The following GABPA variants were observed in gnomAD, a reference collection of about 807,000 sequenced individuals.
The protein encoded by GABPA is GA-binding protein alpha chain.
GABPA carries 4 observed loss-of-function variants against 59.4 expected under a neutral mutation model. The observed-to-expected ratio is 0.07, with a 90% CI of 0.03 to 0.15. The LOEUF is 0.15. GABPA is among the 10% of genes least tolerant of loss of function. The pLI is 1.00. For missense variants in GABPA, 251 were observed against 543.8 expected (o/e 0.46, Z 5.36); for synonymous variants, 164 against 183.1 (o/e 0.90, Z 0.84).
chr21:25,764,453 GC>G, intron 8 of GABPA, 103 bp downstream of exon 8: 1 of 1,412,384 alleles, frequency 7.1e-7, no homozygotes, highest in Non-Finnish European at 9.6e-7. Flanking sequence ...TATCCCTCTG[GC>G]AGTTTTTAGA....
At chr21:25,741,820 A>G (rs2035229323) in intron 2 of GABPA, 145 bp downstream of exon 2, 1 of 547,058 alleles carries the variant, frequency 1.8e-6, no homozygotes, top group African/African-American at 2.0e-5. Flanking sequence ...ATTTCCTCTG[A>G]CTTAATGTGG....
In GABPA at chr21:25,735,141, C is replaced by T; in HGVS notation, c.-464C>T. ...TCGCCTAATTTGACCCGTTCTTTTT[C>T]CCCTCCTTGAAACCTTGCTCTGTAC... On this transcript the variant is annotated 5_prime_UTR_variant, in exon 1 of 10. Coordinates refer to ENST00000400075, the MANE Select transcript of GABPA (RefSeq NM_002040.4). 4.5e-6 allele frequency: 3 copies of T among 670,100 alleles called. No homozygotes were observed. The South Asian group carries it at 5.1e-5, about 11-fold the overall frequency. 41.5% of individuals were successfully genotyped at this position (670,100 alleles called of 1,614,324 possible).
intron 2 of GABPA, among the ~76,000 whole-genome samples, chr21:25,742,387 A>C (rs71649671): frequency 2.3e-4 from 35 of 152,270 alleles, no homozygotes; most frequent in Admixed American, 4.6e-4. Flanking sequence ...ATCTCTGTGG[A>C]GTAACAAAGG....
Position 25,769,244 on chromosome 21 carries a change from T to C in GABPA, c.*12T>C, listed in dbSNP as rs777367312. 3.2e-6 allele frequency: 5 copies of C among 1,538,560 alleles called. No individual in the cohort carries two copies. Among genetic ancestry groups the C allele is most frequent in the Non-Finnish European group, 4.5e-6 (5 of 1,111,932 alleles). On this transcript the variant is annotated 3_prime_UTR_variant, in exon 10 of 10. Transcript: ENST00000400075. ...AAAAGGATAATTGAGCCCCAGGACATTCTGAGACTCCAAAGTCTTTCTTAA... is the reference window on the plus strand; with the variant it reads ...AAAAGGATAATTGAGCCCCAGGACACTCTGAGACTCCAAAGTCTTTCTTAA...
chr21:25,740,066 C>T (rs1231450649), intron 1 of GABPA, among the ~76,000 whole-genome samples: 2 of 152,056 alleles, frequency 1.3e-5, no homozygotes, highest in African/African-American at 4.8e-5. Context: ...TACTGATATA[C>T]GCAATACAGA....
chr21:25,768,886 A>T, intron 9 of GABPA, 118 bp from the exon 10 acceptor site: 1 of 649,012 alleles, frequency 1.5e-6, no homozygotes. Context: ...TTCAATATTA[A>T]TTGCTATTGT....
chr21:25,760,330 T>G (rs1223483273), intron 6 of GABPA, among the ~76,000 whole-genome samples: 12 of 152,184 alleles, frequency 7.9e-5, no homozygotes, highest in Non-Finnish European at 1.5e-4. Flanking sequence ...CTCTGGTCCC[T>G]TCTGTAGAGA....
rs1180138364 is a variant in GABPA at position 25,745,860 on chromosome 21, T to C, written c.222+506T>C. On this transcript the variant is annotated intron_variant, in intron 3 of 9. Transcript: ENST00000400075. ...CCCATGGTAGTAGTATAATATGTTA[T>C]GTCTGAAACATATCCCGAGTCATAT... 3.9e-5 allele frequency among the ~76,000 whole-genome samples: 6 copies of C among 152,340 alleles called. No individual in the cohort carries two copies. The East Asian group carries it at 9.6e-4, about 24-fold the overall frequency.
In GABPA at chr21:25,764,576, G is replaced by C. The variant is rs147145416; in HGVS notation, c.944-19G>C. On this transcript the variant is annotated intron_variant, in intron 8 of 9. Coordinates refer to ENST00000400075, the MANE Select transcript of GABPA (RefSeq NM_002040.4). ...TCTATAACACTATAGCTAATGCTTT[G>C]TTCCTCTTACCAATTTAGGAAACAA... The C allele has an allele frequency of 3.1e-6, 5 of 1,602,754 alleles. No individual in the cohort carries two copies. Among genetic ancestry groups the C allele is most frequent in the Non-Finnish European group, 3.4e-6 (4 of 1,171,944 alleles).
At position 25,735,065 on chromosome 21, in the gene GABPA, T is replaced by A; in HGVS notation, c.-540T>A. On this transcript the variant is annotated 5_prime_UTR_variant, in exon 1 of 10. Coordinates refer to ENST00000400075, the MANE Select transcript of GABPA (RefSeq NM_002040.4). ...ACAGAAGCCAAACAGGAGGAGGAAG[T>A]GGAGGGTAAGTGCTTCCGGGTCCCC... The A allele has an allele frequency of 8.5e-7, 1 of 1,169,590 alleles. No homozygotes were observed. Among genetic ancestry groups the A allele is most frequent in the Non-Finnish European group, 1.2e-6 (1 of 810,364 alleles). 72.5% of individuals were successfully genotyped at this position (1,169,590 alleles called of 1,614,324 possible).
chr21:25,756,343 G>T (rs567219536), intron 5 of GABPA, among the ~76,000 whole-genome samples: 1 of 152,110 alleles, frequency 6.6e-6, no homozygotes, highest in African/African-American at 2.4e-5. Flanking sequence ...TTCAGTTCTT[G>T]TCGACTTTTA....
At chr21:25,756,992 T>C (rs1426181837) in intron 5 of GABPA, among the ~76,000 whole-genome samples, 1 of 152,242 alleles carries the variant, frequency 6.6e-6, no homozygotes, top group Non-Finnish European at 1.5e-5. Context: ...TCCTTTAGTC[T>C]CAAATGGAAT....
chr21:25,765,436 C>T (rs58248814), intron 9 of GABPA, among the ~76,000 whole-genome samples: 3,827 of 151,936 alleles, frequency 0.025, 163 homozygotes, highest in African/African-American at 0.088. Flanking sequence ...TTTCACTTGG[C>T]CATTTTCACA....
At chr21:25,740,226 A>G (rs920865068) in intron 1 of GABPA, among the ~76,000 whole-genome samples, 4 of 152,262 alleles carry the variant, frequency 2.6e-5, no homozygotes, top group Admixed American at 6.5e-5. Flanking sequence ...AGATTGCTCT[A>G]TGCAAAGCAT....
chr21:25,752,955 GGACT>G (rs1450083496), intron 5 of GABPA, among the ~76,000 whole-genome samples: 1 of 152,120 alleles, frequency 6.6e-6, no homozygotes, highest in African/African-American at 2.4e-5. Flanking sequence ...AACAGTGATA[GGACT>G]GAGCAGATTG....
intron 7 of GABPA, among the ~76,000 whole-genome samples, chr21:25,763,699 TTTCA>T (rs1233920470): frequency 6.6e-6 from 1 of 152,182 alleles, no homozygotes; most frequent in Non-Finnish European, 1.5e-5. Context: ...CTTGCAGCTG[TTTCA>T]TTCATTTTCA....
intron 6 of GABPA, among the ~76,000 whole-genome samples, chr21:25,761,827 T>A (rs183361516): frequency 1.3e-5 from 2 of 152,316 alleles, no homozygotes; most frequent in East Asian, 3.8e-4. Context: ...TACAATTGTG[T>A]TGAAAATTTG....
At chr21:25,763,604 CAT>C (rs905564617) in intron 7 of GABPA, among the ~76,000 whole-genome samples, 9 of 152,254 alleles carry the variant, frequency 5.9e-5, no homozygotes, top group Middle Eastern at 3.4e-3. Flanking sequence ...TTGTTTTCCA[CAT>C]GTTTAAACAT....
chr21:25,753,371 A>G (rs1462153349), intron 5 of GABPA, among the ~76,000 whole-genome samples: 4 of 152,210 alleles, frequency 2.6e-5, no homozygotes, highest in African/African-American at 9.6e-5. Context: ...TGAAGCTATA[A>G]AAGTCTACGT....
Sources: gnomAD v4.1 joint callset for allele counts (sites outside exome capture counted in the v4.1 genomes callset) on GRCh38, gnomAD v4.1.1 for gene constraint, MANE v1.5 for transcripts, NCBI Gene and HGNC (gene_info 2026-07-23, HGNC 2026-07-21) for gene names.